The following CA6 variants were observed in gnomAD, a reference collection of about 807,000 sequenced individuals.
CA6 encodes the protein carbonic anhydrase 6.
In CA6, 28 loss-of-function variants were observed where a neutral mutation model predicts 35.9. The ratio of observed to expected loss-of-function variants is 0.78; its 90% CI spans 0.58 to 1.07. CA6 has a LOEUF of 1.07. CA6 is among the 50% of genes least tolerant of loss of function. The pLI is 0.00. For missense variants in CA6, 377 were observed against 382.0 expected, an observed-to-expected ratio of 0.99 and a Z score of 0.11; for synonymous variants, 148 against 152.6, an observed-to-expected ratio of 0.97 and a Z score of 0.22.
chr1:8,946,130 C>T (rs933171744), intron 1 of CA6, among the ~76,000 whole-genome samples, 165 bp downstream of exon 1: 1 of 152,024 alleles, frequency 6.6e-6, no homozygotes, highest in Non-Finnish European at 1.5e-5. Flanking sequence ...CTCCGCCTCC[C>T]GGGTTCAAGT....
intron 4 of CA6, among the ~76,000 whole-genome samples, chr1:8,959,840 G>A (rs1482267606): frequency 6.7e-6 from 1 of 149,188 alleles, no homozygotes. Context: ...GCTGAGGCAG[G>A]AGAATCACTT....
At chr1:8,951,601 A>G (rs2124238873) in intron 2 of CA6, 1 of 765,180 alleles carries the variant, frequency 1.3e-6, no homozygotes, top group East Asian at 2.4e-5. Flanking sequence ...CTGAGGGCCC[A>G]GAAGAGGGAA....
At chr1:8,960,358 A>G (rs1323200861) in intron 4 of CA6, among the ~76,000 whole-genome samples, 1 of 152,110 alleles carries the variant, frequency 6.6e-6, no homozygotes, top group East Asian at 1.9e-4. Context: ...AGCAGACAGG[A>G]CTTTAAAACA....
intron 4 of CA6, among the ~76,000 whole-genome samples, chr1:8,961,129 C>CA (rs150181038): frequency 0.064 from 9,726 of 152,044 alleles, 903 homozygotes; most frequent in African/African-American, 0.21. Flanking sequence ...GAAGGTGAAA[C>CA]AACACATTCC....
In CA6 at chr1:8,949,355, C is replaced by T. The variant is rs58800854; in HGVS notation, c.172C>T (p.Arg58Trp). 13,526 of 1,612,632 alleles carry T rather than the reference C, an allele frequency of 8.4e-3. 990 individuals carry two copies. The African/African-American group carries it at 0.15, about 18-fold the overall frequency. Reference protein sequence around the residue: ...SPINLQRTKVRYNPSLKGLNM... With the variant: ...SPINLQRTKVWYNPSLKGLNM... ...TATCAACCTACAGAGGACGAAGGTG[C>T]GGTACAACCCCTCCTTGAAGGGGCT... The change falls in exon 2 of 8, where the codon CGG becomes TGG. Residue 58 changes from arginine (R) to tryptophan (W), a missense_variant. Transcript: ENST00000377443.
At chr1:8,964,873 C>G (rs961225003) in intron 5 of CA6, among the ~76,000 whole-genome samples, 3 of 152,178 alleles carry the variant, frequency 2.0e-5, no homozygotes, top group African/African-American at 7.2e-5. Context: ...CTTTCTGGCT[C>G]CTGCCCTAAA....
At chr1:8,956,696 A>G (rs867179056) in intron 2 of CA6, among the ~76,000 whole-genome samples, 3 of 152,216 alleles carry the variant, frequency 2.0e-5, no homozygotes, top group Non-Finnish European at 1.5e-5. Context: ...AAACAGTTCT[A>G]AGAGGCCCCA....
intron 3 of CA6, among the ~76,000 whole-genome samples, chr1:8,958,264 T>G (rs1639743744): frequency 6.6e-6 from 1 of 151,990 alleles, no homozygotes; most frequent in Admixed American, 6.6e-5. Context: ...GTTCCCTGGG[T>G]TCAAATGATT....
chr1:8,973,597 G>A (rs1640163539), intron 7 of CA6, among the ~76,000 whole-genome samples: 2 of 152,116 alleles, frequency 1.3e-5, no homozygotes, highest in South Asian at 4.2e-4. Context: ...AGCATCAGAG[G>A]GCTTCCTTAC....
intron 1 of CA6, among the ~76,000 whole-genome samples, chr1:8,948,005 C>G (rs753474904): frequency 6.6e-6 from 1 of 151,952 alleles, no homozygotes; most frequent in African/African-American, 2.4e-5. Flanking sequence ...CCACCATGCC[C>G]GGCTGATTGT....
intron 5 of CA6, among the ~76,000 whole-genome samples, chr1:8,967,450 G>A (rs1328956262): frequency 6.6e-6 from 1 of 152,092 alleles, no homozygotes; most frequent in Non-Finnish European, 1.5e-5. Flanking sequence ...ACTCAGCCAG[G>A]AGCAGGTGTC....
At chr1:8,949,669 C>T (rs1376896115) in intron 2 of CA6, among the ~76,000 whole-genome samples, 1 of 152,104 alleles carries the variant, frequency 6.6e-6, no homozygotes, top group Non-Finnish European at 1.5e-5. Flanking sequence ...CTGCTGGTCC[C>T]TTCCTGCAGC....
At chr1:8,969,433 G>A (rs903390258) in intron 6 of CA6, among the ~76,000 whole-genome samples, 1 of 151,860 alleles carries the variant, frequency 6.6e-6, no homozygotes, top group Admixed American at 6.6e-5. Flanking sequence ...ACAGAGAAAA[G>A]GAGATGGAAC....
Position 8,967,833 on chromosome 1 carries a change from C to A in CA6, c.729+17C>A. ...AGGACACAGGTAATGTATGGTATCACTTTGCCGAAGTCTTCCCATTCGATT... is the reference window on the plus strand; with the variant it reads ...AGGACACAGGTAATGTATGGTATCAATTTGCCGAAGTCTTCCCATTCGATT... On this transcript the variant is annotated intron_variant, in intron 6 of 7. Coordinates refer to ENST00000377443, the MANE Select transcript of CA6 (RefSeq NM_001215.4). 2 of 1,611,666 alleles carry A rather than the reference C, an allele frequency of 1.2e-6. No individual in the cohort carries two copies. Among genetic ancestry groups the A allele is most frequent in the Non-Finnish European group, 8.5e-7 (1 of 1,178,706 alleles).
rs934273964 is a variant in CA6, at chr1:8,950,171, C to T, written c.259+729C>T. 1.7e-4 allele frequency among the ~76,000 whole-genome samples: 26 copies of T among 151,908 alleles called. 1 individual carries two copies. The highest frequency in any genetic ancestry group is 3.4e-3 in the Middle Eastern group (1 of 294). On this transcript the variant is annotated intron_variant, in intron 2 of 7. Coordinates refer to ENST00000377443, the MANE Select transcript of CA6 (RefSeq NM_001215.4). ...ATTTTTTTTGTATTTTTAGTAGAGA[C>T]GAGGTTTCACCATGTTGGCCAGGCT...
intron 6 of CA6, among the ~76,000 whole-genome samples, chr1:8,968,092 C>G (rs950342726): frequency 6.6e-6 from 1 of 151,632 alleles, no homozygotes; most frequent in East Asian, 1.9e-4. Context: ...CTCAGCCTCC[C>G]GAGTAGCTGG....
At chr1:8,960,683 A>C (rs1158185540) in intron 4 of CA6, among the ~76,000 whole-genome samples, 1 of 151,720 alleles carries the variant, frequency 6.6e-6, no homozygotes, top group Non-Finnish European at 1.5e-5. Flanking sequence ...AAAACAGAGA[A>C]AAAAGACAGA....
At chr1:8,966,797 C>T (rs1413935619) in intron 5 of CA6, among the ~76,000 whole-genome samples, 2 of 152,050 alleles carry the variant, frequency 1.3e-5, no homozygotes, top group Non-Finnish European at 2.9e-5. Flanking sequence ...AAACAAGGAC[C>T]TCTCTAGAGC....
intron 2 of CA6, chr1:8,951,636 C>A (rs762995748): frequency 4.6e-5 from 35 of 765,108 alleles, no homozygotes; most frequent in Middle Eastern, 2.2e-4. Context: ...AAGAGCCCAG[C>A]TTCCCAAGGG....
Sources: gnomAD v4.1 joint callset for allele counts (sites outside exome capture counted in the v4.1 genomes callset) on GRCh38, gnomAD v4.1.1 for gene constraint, MANE v1.5 for transcripts, NCBI Gene and HGNC (gene_info 2026-07-23, HGNC 2026-07-21) for gene names.